ARMC8: variants seen among roughly 807,000 people sequenced by gnomAD.
ARMC8 encodes armadillo repeat containing 8, also known as armadillo repeat-containing protein 8.
A neutral mutation model predicts 99.3 loss-of-function variants in ARMC8; 20 were observed. That is an observed-to-expected ratio of 0.20 (90% CI 0.14 to 0.29). ARMC8 has a LOEUF of 0.29. ARMC8 is among the 10% of genes least tolerant of loss of function. The probability of loss-of-function intolerance (pLI) is 1.00; values close to 1 mark genes in which losing one functional copy is unlikely to be tolerated. For missense variants in ARMC8, 569 were observed against 809.5 expected, an observed-to-expected ratio of 0.70 and a Z score of 3.60; for synonymous variants, 263 against 278.3, an observed-to-expected ratio of 0.95 and a Z score of 0.55.
intron 1 of ARMC8, among the ~76,000 whole-genome samples, chr3:138,195,188 G>C (rs1188267616): frequency 6.6e-6 from 1 of 151,450 alleles, no homozygotes; most frequent in Admixed American, 6.6e-5. Flanking sequence ...TGAGGCAGGA[G>C]AATGGCGTGA....
rs1439426408 is a variant in ARMC8, at chr3:138,272,984, T to C, written c.1497T>C (p.Ala499=). Residue 499 remains alanine (A), a synonymous_variant, in exon 17 of 22, where the codon GCT becomes GCC. Coordinates refer to ENST00000469044, the MANE Select transcript of ARMC8 (RefSeq NM_001363941.2). The part of the protein sequence containing the change: ...IWALMNMAFQ[A]EQKIKADILR... The stretch of plus-strand genomic sequence containing the variant: ...CCTTTCAGAATATGGCATTTCAGGC[T>C]GAACAAAAAATAAAAGCAGATATTT... The C allele has an allele frequency of 2.5e-6, 4 of 1,603,950 alleles. No individual in the cohort carries two copies. Among genetic ancestry groups the C allele is most frequent in the Non-Finnish European group, 1.7e-6 (2 of 1,175,700 alleles).
chr3:138,262,895 C>T (rs541789381), intron 12 of ARMC8, among the ~76,000 whole-genome samples: 1 of 152,286 alleles, frequency 6.6e-6, no homozygotes, highest in East Asian at 1.9e-4. Flanking sequence ...TGCCTGGGTA[C>T]GTATCTCAGC....
chr3:138,235,208 G>A, intron 7 of ARMC8, 94 bp downstream of exon 7: 1 of 860,438 alleles, frequency 1.2e-6, no homozygotes, highest in Non-Finnish European at 1.8e-6. Context: ...TGATAATTGT[G>A]ATCAAAAGTA....
intron 12 of ARMC8, among the ~76,000 whole-genome samples, chr3:138,260,825 G>C (rs952272256): frequency 1.3e-5 from 2 of 152,204 alleles, no homozygotes; most frequent in Non-Finnish European, 2.9e-5. Flanking sequence ...GTATTTCTCA[G>C]TTCTTTCTGG....
intron 1 of ARMC8, among the ~76,000 whole-genome samples, chr3:138,193,071 C>T (rs959480370): frequency 3.3e-5 from 5 of 149,664 alleles, no homozygotes; most frequent in South Asian, 2.1e-4. Flanking sequence ...CAGGTTCAAG[C>T]GATTCTCCTC....
chr3:138,234,464 T>A (rs1477180464), intron 6 of ARMC8, among the ~76,000 whole-genome samples: 1 of 152,076 alleles, frequency 6.6e-6, no homozygotes, highest in Non-Finnish European at 1.5e-5. Flanking sequence ...CCAAAACACG[T>A]TGTTGTTCAT....
intron 17 of ARMC8, among the ~76,000 whole-genome samples, chr3:138,273,477 T>C (rs2048974955): frequency 6.6e-6 from 1 of 152,232 alleles, no homozygotes; most frequent in Non-Finnish European, 1.5e-5. Context: ...GGGCCTCTGC[T>C]TCTTTCCCTT....
intron 1 of ARMC8, among the ~76,000 whole-genome samples, chr3:138,208,427 G>A (rs1009514574): frequency 6.6e-6 from 1 of 152,206 alleles, no homozygotes; most frequent in Non-Finnish European, 1.5e-5. Flanking sequence ...AGATCATGCT[G>A]CTGGACTCTA....
chr3:138,203,784 A>G (rs549442759), intron 1 of ARMC8, among the ~76,000 whole-genome samples: 65 of 152,344 alleles, frequency 4.3e-4, no homozygotes, highest in African/African-American at 1.5e-3. Flanking sequence ...CTTTTCCACA[A>G]TGGAATACAA....
At chr3:138,224,858 A>C (rs1037740926) in intron 5 of ARMC8, among the ~76,000 whole-genome samples, 7 of 152,238 alleles carry the variant, frequency 4.6e-5, no homozygotes, top group Admixed American at 2.0e-4. Flanking sequence ...AGTGAAAGAT[A>C]GTCTCAGACT....
At chr3:138,218,509 G>A (rs940309395) in intron 2 of ARMC8, among the ~76,000 whole-genome samples, 12 of 152,056 alleles carry the variant, frequency 7.9e-5, no homozygotes, top group African/African-American at 1.2e-4. Flanking sequence ...TTGTATGAAC[G>A]ATTTCTCCTT....
At chr3:138,199,461 T>C (rs2043927273) in intron 1 of ARMC8, among the ~76,000 whole-genome samples, 1 of 152,210 alleles carries the variant, frequency 6.6e-6, no homozygotes. Flanking sequence ...AGGTCTGTCT[T>C]TGTGGATAGT....
rs1166568979 is a variant in ARMC8 at position 138,252,705 on chromosome 3, C to T, written c.1134+7522C>T. On this transcript the variant is annotated intron_variant, in intron 12 of 21. Coordinates refer to ENST00000469044, the MANE Select transcript of ARMC8 (RefSeq NM_001363941.2). ...TCCTGACCTTGTGATCCACCCGCCT[C>T]GGCCTTCCAAAGTGCTGGGATTACA... Among the ~76,000 whole-genome samples the T allele has an allele frequency of 1.7e-4, 23 of 136,400 alleles. 1 individual carries two copies. In the South Asian group the frequency reaches 3.2e-3, roughly 19 times the overall value. 89.5% of individuals were successfully genotyped at this position (136,400 alleles called of 152,430 possible). A position where few individuals can be genotyped will look rare whatever the true frequency, so the allele number is the denominator to read the frequency against.
At position 138,231,961 on chromosome 3, in the gene ARMC8, C is replaced by CTTTTTTT. The variant is rs61298993; in HGVS notation, c.528+2972_528+2978dup. Reference sequence around the variant, plus strand: ...GCCACTAATTCTTTCCTTGCAATTGCTTTTTTTTTTTTTTTTTTTTTTTTT... The same window carrying CTTTTTTT: ...GCCACTAATTCTTTCCTTGCAATTGCTTTTTTTTTTTTTTTTTTTTTTTTTTTTTTTT... On this transcript the variant is annotated intron_variant, in intron 6 of 21. Transcript: ENST00000469044. Among the ~76,000 whole-genome samples, 49 of 58,634 alleles carry CTTTTTTT rather than the reference C, an allele frequency of 8.4e-4. 6 individuals are homozygous for CTTTTTTT. The highest frequency in any genetic ancestry group is 1.9e-3 in the African/African-American group (23 of 12,176). 38.5% of individuals were successfully genotyped at this position (58,634 alleles called of 152,430 possible).
chr3:138,264,412 C>CTTTTTTTTTTTT (rs11298899), intron 14 of ARMC8, among the ~76,000 whole-genome samples, 200 bp downstream of exon 14: 26 of 48,636 alleles, frequency 5.3e-4, no homozygotes, highest in Non-Finnish European at 6.9e-4. Context: ...GATTTTCTTT[C>CTTTTTTTTTTTT]TTTTTTTTTT....
intron 18 of ARMC8, among the ~76,000 whole-genome samples, chr3:138,278,626 T>C (rs2049549671): frequency 6.6e-6 from 1 of 152,230 alleles, no homozygotes; most frequent in Non-Finnish European, 1.5e-5. Context: ...TTCGATCGTA[T>C]TGTATTTATA....
At chr3:138,218,581 C>T (rs1195866286) in intron 2 of ARMC8, among the ~76,000 whole-genome samples, 4 of 152,192 alleles carry the variant, frequency 2.6e-5, no homozygotes, top group Admixed American at 2.6e-4. Flanking sequence ...TAGTTCTTAA[C>T]CATTGCCTCA....
At chr3:138,187,764 G>T (rs938060287) in intron 1 of ARMC8, 165 bp downstream of exon 1, 2 of 736,748 alleles carry the variant, frequency 2.7e-6, no homozygotes, top group Admixed American at 5.9e-5. Flanking sequence ...GGATAGACGG[G>T]CAGAGGGGAC....
At chr3:138,273,821 C>CTT (rs764799623) in intron 17 of ARMC8, among the ~76,000 whole-genome samples, 5 of 145,220 alleles carry the variant, frequency 3.4e-5, no homozygotes, top group Non-Finnish European at 4.6e-5. Context: ...ATGCTTCCCC[C>CTT]TTTTTTTTTT....
Sources: gnomAD v4.1 joint callset for allele counts (sites outside exome capture counted in the v4.1 genomes callset) on GRCh38, gnomAD v4.1.1 for gene constraint, MANE v1.5 for transcripts, NCBI Gene and HGNC (gene_info 2026-07-23, HGNC 2026-07-21) for gene names.